Variants in SIAE observed in about 807,000 individuals in gnomAD.
The protein encoded by SIAE is sialic acid acetylesterase, also known as sialate O-acetylesterase.
SIAE carries 39 observed loss-of-function variants against 52.6 expected under a neutral mutation model. The observed-to-expected ratio is 0.74, with a 90% confidence interval of 0.57 to 0.97. The LOEUF (loss-of-function observed/expected upper bound fraction) is 0.97, where lower values mean the gene tolerates loss of function less well. SIAE is among the 50% of genes least tolerant of loss of function. SIAE has a pLI of 0.00. For missense variants in SIAE, 592 were observed against 662.1 expected (o/e 0.89, Z 1.16); for synonymous variants, 233 against 241.4 (o/e 0.97, Z 0.32).
At chr11:124,661,250 C>T (rs1943184296) in intron 2 of SIAE, among the ~76,000 whole-genome samples, 1 of 152,118 alleles carries the variant, frequency 6.6e-6, no homozygotes, top group Non-Finnish European at 1.5e-5. Flanking sequence ...CTGGAACTTC[C>T]CCTGGCTTGA....
At position 124,639,793 on chromosome 11, in the gene SIAE, G is replaced by T; in HGVS notation, c.1041C>A (p.Phe347Leu). The T allele has an allele frequency of 6.2e-7, 1 of 1,614,186 alleles. No individual in the cohort carries two copies. The highest frequency in any genetic ancestry group is 1.1e-5 in the South Asian group (1 of 91,082). Reference protein sequence around the residue: ...PQIRWHQTADFGYVPNPKMPN... With the variant: ...PQIRWHQTADLGYVPNPKMPN... ...GCATCTTTGGGTTGGGGACATAGCC[G>T]AAGTCTGCTGTTTGATGCCAACGGA... is the stretch of plus-strand genomic sequence containing the variant. Residue 347 changes from phenylalanine to leucine, a missense_variant, in exon 8 of 10, where the codon TTC (phenylalanine) becomes TTA (leucine). Transcript: ENST00000263593.
chr11:124,666,735 G>A lies in SIAE; in HGVS notation c.229+2625C>T, dbSNP rs144881643. Among the ~76,000 whole-genome samples the A allele has an allele frequency of 7.8e-3, 1,192 of 152,322 alleles. 18 individuals are homozygous for A. The highest frequency in any genetic ancestry group is 0.026 in the African/African-American group (1,080 of 41,566). ...AAATGTGTAAGGATGGAATGGGGCA[G>A]TGAGTTCTTGAAAGATGGGCACTAT... is the stretch of plus-strand genomic sequence containing the variant. On this transcript the variant is annotated intron_variant, in intron 2 of 9. Coordinates refer to ENST00000263593, the MANE Select transcript of SIAE (RefSeq NM_170601.5).
chr11:124,652,748 G>A (rs1157187318), intron 4 of SIAE, among the ~76,000 whole-genome samples: 2 of 150,560 alleles, frequency 1.3e-5, no homozygotes, highest in Non-Finnish European at 2.9e-5. Flanking sequence ...GATTCTCAAC[G>A]TGGGAGAGAT....
chr11:124,635,624 C>CAT lies in SIAE; in HGVS notation c.*1325_*1326dup. The stretch of plus-strand genomic sequence containing the variant: ...TCATTAATATATTCACTATCTAAAC[C>CAT]ATATTTTTTACACTACGTAAAATAC... On this transcript the variant is annotated 3_prime_UTR_variant, in exon 10 of 10. Transcript: ENST00000263593. 6.6e-6 allele frequency: 1 copy of CAT among 152,180 alleles called. No homozygotes were observed. Among genetic ancestry groups the CAT allele is most frequent in the African/African-American group, 2.4e-5 (1 of 41,508 alleles). The allele number at this position is 152,180 out of a possible 1,614,324, so 9.4% of individuals were successfully genotyped here. A position where few individuals can be genotyped will look rare whatever the true frequency, so the allele number is the denominator to read the frequency against.
At position 124,636,774 on chromosome 11, in the gene SIAE, A is replaced by AAGTT. The variant is rs1942749669; in HGVS notation, c.*173_*176dup. On this transcript the variant is annotated 3_prime_UTR_variant, in exon 10 of 10. Transcript: ENST00000263593. ...CTAGGGAACAAAAAGCAAGCATTTC[A>AAGTT]AGTTACCTATAAGCCTGGGCTCATC... 1 of 864,372 alleles carries AAGTT rather than the reference A, an allele frequency of 1.2e-6. No individual in the cohort carries two copies. Among genetic ancestry groups the AAGTT allele is most frequent in the East Asian group, 2.6e-5 (1 of 38,112 alleles). 53.5% of individuals were successfully genotyped at this position (864,372 alleles called of 1,614,324 possible).
rs1474193169 is a variant in SIAE, at chr11:124,638,724, C to G, written c.1138G>C (p.Asp380His). ...DSPFGSIHPR[D>H]KQTVAYRLHL... is the part of the protein sequence containing the mutation. ...AGCCGATAAGCCACAGTCTGTTTATCTCGAGGGTGGATGCTACAGGATAAG... is the reference window on the plus strand; with the variant it reads ...AGCCGATAAGCCACAGTCTGTTTATGTCGAGGGTGGATGCTACAGGATAAG... Residue 380 changes from aspartate to histidine, a missense_variant, in exon 9 of 10, where the codon GAT (aspartate) becomes CAT (histidine). Transcript: ENST00000263593. 6.2e-7 allele frequency: 1 copy of G among 1,613,854 alleles called. No individual in the cohort carries two copies. Among genetic ancestry groups the G allele is most frequent in the African/African-American group, 1.3e-5 (1 of 74,892 alleles).
Position 124,637,044 on chromosome 11 carries a change from G to A in SIAE, c.1479C>T (p.Pro493=), listed in dbSNP as rs780579758. Residue 493 remains proline (P), a synonymous_variant, in exon 10 of 10, where the codon CCC becomes CCT. Coordinates refer to ENST00000263593, the MANE Select transcript of SIAE (RefSeq NM_170601.5). ...GCAGGGCACTACTGGGGTGGTATAG[G>A]GGACACTGCTTATATTCACAAGGCC... The part of the protein sequence containing the change: ...TTWPCEYKQC[P]LYHPSSALPA... The A allele has an allele frequency of 8.1e-6, 13 of 1,614,118 alleles. 1 individual carries two copies. The South Asian group carries it at 1.3e-4, about 16-fold the overall frequency.
At chr11:124,638,929 G>A (rs1302201385) in intron 8 of SIAE, among the ~76,000 whole-genome samples, 192 bp from the exon 9 acceptor site, 1 of 152,096 alleles carries the variant, frequency 6.6e-6, no homozygotes, top group Non-Finnish European at 1.5e-5. Flanking sequence ...GGCCTTCTAT[G>A]GGTTGGAAAC....
chr11:124,651,270 G>A (rs184307653), intron 4 of SIAE, among the ~76,000 whole-genome samples: 1 of 152,240 alleles, frequency 6.6e-6, no homozygotes, highest in East Asian at 1.9e-4. Flanking sequence ...AAGTAGGGCT[G>A]GGCATGGTGG....
intron 2 of SIAE, among the ~76,000 whole-genome samples, chr11:124,667,822 AC>A (rs1943294379): frequency 6.6e-6 from 1 of 152,070 alleles, no homozygotes; most frequent in South Asian, 2.1e-4. Flanking sequence ...TCTCTTCTAG[AC>A]AGAGACTCAC....
chr11:124,647,225 A>G (rs3819084), intron 7 of SIAE, 140 bp downstream of exon 7: 59,840 of 1,152,762 alleles, frequency 0.052, 6,321 homozygotes, highest in African/African-American at 0.4. Context: ...TGACCAGCAC[A>G]TTATGAGGAC....
chr11:124,666,847 T>C (rs1943279265), intron 2 of SIAE, among the ~76,000 whole-genome samples: 1 of 152,204 alleles, frequency 6.6e-6, no homozygotes, highest in Non-Finnish European at 1.5e-5. Context: ...CAAATTAAAC[T>C]CAAGATAAAT....
intron 2 of SIAE, among the ~76,000 whole-genome samples, chr11:124,665,347 T>C (rs1943257631): frequency 2.0e-5 from 3 of 152,210 alleles, no homozygotes; most frequent in South Asian, 2.1e-4. Flanking sequence ...TTGGCATACA[T>C]AATAAGGTGA....
intron 1 of SIAE, among the ~76,000 whole-genome samples, chr11:124,672,383 A>G (rs564927967): frequency 8.5e-5 from 13 of 152,222 alleles, no homozygotes; most frequent in East Asian, 3.9e-4. Flanking sequence ...TAAGTTGGGT[A>G]CTGCTCTCAT....
chr11:124,658,362 T>TAA (rs60157755), intron 3 of SIAE, among the ~76,000 whole-genome samples: 3 of 142,492 alleles, frequency 2.1e-5, no homozygotes, highest in African/African-American at 7.7e-5. Flanking sequence ...AGATAACTAT[T>TAA]AAAAAAAAAA....
chr11:124,645,720 G>GA lies in SIAE; in HGVS notation c.966+1644dup. 6.6e-6 allele frequency among the ~76,000 whole-genome samples: 1 copy of GA among 152,314 alleles called. No homozygotes were observed. Among genetic ancestry groups the GA allele is most frequent in the Admixed American group, 6.5e-5 (1 of 15,296 alleles). On this transcript the variant is annotated intron_variant, in intron 7 of 9. Coordinates refer to ENST00000263593, the MANE Select transcript of SIAE (RefSeq NM_170601.5). The surrounding 1 kb of genome is among the most constrained non-coding windows in gnomAD (Gnocchi z 4.7). Reference sequence around the variant, plus strand: ...ATCACCATGTGCACAGGCCAAGGGAGAAAAAAGTACTTCCAAAGCCCAAGT... The same window carrying GA: ...ATCACCATGTGCACAGGCCAAGGGAGAAAAAAAGTACTTCCAAAGCCCAAGT...
chr11:124,671,682 G>T (rs1011291660), intron 1 of SIAE, among the ~76,000 whole-genome samples: 2 of 152,136 alleles, frequency 1.3e-5, no homozygotes, highest in Non-Finnish European at 2.9e-5. Context: ...CAAAAAAAAA[G>T]AGAGAGAGAA....
Position 124,669,642 on chromosome 11 carries a change from C to A in SIAE, c.68-121G>T, listed in dbSNP as rs529280806. 6.2e-5 allele frequency: 57 copies of A among 915,448 alleles called. 1 individual carries two copies. The South Asian group carries it at 7.4e-4, about 12-fold the overall frequency. The allele number at this position is 915,448 out of a possible 1,614,324, so 56.7% of individuals were successfully genotyped here. A position where few individuals can be genotyped will look rare whatever the true frequency, so the allele number is the denominator to read the frequency against. Reference sequence around the variant, plus strand: ...AAGAGAATTTTAACATACTAAGTCCCTTTAATCGTCTAAAACTGGCTCTTC... The same window carrying A: ...AAGAGAATTTTAACATACTAAGTCCATTTAATCGTCTAAAACTGGCTCTTC... On this transcript the variant is annotated intron_variant, in intron 1 of 9. Coordinates refer to ENST00000263593, the MANE Select transcript of SIAE (RefSeq NM_170601.5).
Position 124,670,861 on chromosome 11 carries a change from A to G in SIAE, c.68-1340T>C, listed in dbSNP as rs1477599936. ...TACCATGAGCAAAATGCTCTAAGAA[A>G]AGAATACAACGCCCCAGAATTGCAT... On this transcript the variant is annotated intron_variant, in intron 1 of 9. Transcript: ENST00000263593. This position sits in a 1 kb window ranked among gnomAD's most constrained non-coding sequence, Gnocchi z 4.5. Among the ~76,000 whole-genome samples, 1 of 152,224 alleles carries G rather than the reference A, an allele frequency of 6.6e-6. No individual in the cohort carries two copies. The highest frequency in any genetic ancestry group is 1.5e-5 in the Non-Finnish European group (1 of 68,048).
Sources: gnomAD v4.1 joint callset for allele counts (sites outside exome capture counted in the v4.1 genomes callset) on GRCh38, gnomAD v4.1.1 for gene constraint, Gnocchi (gnomAD v3.1) non-coding constraint, MANE v1.5 for transcripts, NCBI Gene and HGNC (gene_info 2026-07-23, HGNC 2026-07-21) for gene names.